DNAJC13: variants seen among roughly 807,000 people sequenced by gnomAD.
The protein encoded by DNAJC13 is DnaJ heat shock protein family (Hsp40) member C13, also known as dnaJ homolog subfamily C member 13.
DNAJC13 carries 75 observed loss-of-function variants against 290.5 expected under a neutral mutation model. The ratio of observed to expected loss-of-function variants is 0.26; its 90% CI spans 0.21 to 0.31. DNAJC13 has a LOEUF of 0.31. Among genes scored for constraint, DNAJC13 ranks in the 10% least tolerant of loss-of-function variants. The pLI, the probability that DNAJC13 is intolerant of heterozygous loss-of-function variation, is 1.00. For synonymous variants in DNAJC13, 862 were observed against 892.0 expected, an observed-to-expected ratio of 0.97 and a Z score of 0.60; for missense variants, 2,260 against 2,674.5, an observed-to-expected ratio of 0.85 and a Z score of 3.42.
At chr3:132,447,278 A>T (rs746608941) in intron 3 of DNAJC13, 43 bp from the exon 4 acceptor site, 2 of 1,382,788 alleles carry the variant, frequency 1.4e-6, no homozygotes, top group Admixed American at 2.9e-5. Flanking sequence ...ATTACATTTT[A>T]CTGTATTATA....
chr3:132,433,468 C>T (rs189952743), intron 1 of DNAJC13, among the ~76,000 whole-genome samples: 4 of 152,010 alleles, frequency 2.6e-5, no homozygotes, highest in East Asian at 1.9e-4. Context: ...TGAGAGAGAA[C>T]GTCTCACTAT....
chr3:132,461,805 C>T lies in DNAJC13; in HGVS notation c.1713+600C>T, dbSNP rs910049923. ...CTCCCAGGCTCAAGTAATCTTCCCA[C>T]CTCAGTTGCTGAGTAGCTGGGACCA... On this transcript the variant is annotated intron_variant, in intron 15 of 55. Transcript: ENST00000260818. Among the ~76,000 whole-genome samples the T allele has an allele frequency of 4.6e-5, 7 of 152,262 alleles. No homozygotes were observed. The East Asian group carries it at 1.2e-3, about 25-fold the overall frequency.
chr3:132,446,289 GT>G (rs1933241297), intron 2 of DNAJC13, among the ~76,000 whole-genome samples, 185 bp from the exon 3 acceptor site: 1 of 151,958 alleles, frequency 6.6e-6, no homozygotes, highest in South Asian at 2.1e-4. Flanking sequence ...GAGTGGGTGG[GT>G]TTTAATAAAA....
chr3:132,523,022 T>G (rs1452118536), intron 49 of DNAJC13, 25 bp downstream of exon 49: 58 of 1,604,474 alleles, frequency 3.6e-5, no homozygotes, highest in Middle Eastern at 1.7e-4. Flanking sequence ...AGGTAATAAT[T>G]TATAGCCTTT....
chr3:132,531,852 T>C (rs1346714725), intron 55 of DNAJC13, among the ~76,000 whole-genome samples: 1 of 152,170 alleles, frequency 6.6e-6, no homozygotes, highest in African/African-American at 2.4e-5. Context: ...ATGGTTTTGC[T>C]AAATATTTAG....
chr3:132,534,392 A>G (rs7651894), intron 55 of DNAJC13, among the ~76,000 whole-genome samples: 89,861 of 152,098 alleles, frequency 0.59, 28,857 homozygotes, highest in East Asian at 0.87. Flanking sequence ...GCAATGGCTC[A>G]TGTCTGTAAT....
chr3:132,462,350 T>C, intron 15 of DNAJC13, 117 bp from the exon 16 acceptor site: 1 of 902,856 alleles, frequency 1.1e-6, no homozygotes, highest in East Asian at 2.6e-5. Context: ...TATCCTTTAC[T>C]AATTTTGTGG....
In DNAJC13 at chr3:132,463,737, C is replaced by G; in HGVS notation, c.1812C>G (p.Ala604=). 1.2e-6 allele frequency: 2 copies of G among 1,612,962 alleles called. No homozygotes were observed. The highest frequency in any genetic ancestry group is 4.5e-5 in the East Asian group (2 of 44,838). ...TTGCTACAAAAATGCAGGAGCTTGCCCTAAGTGAAGGTGCCTTACCTCGAC... is the reference window on the plus strand; with the variant it reads ...TTGCTACAAAAATGCAGGAGCTTGCGCTAAGTGAAGGTGCCTTACCTCGAC... The part of the protein sequence containing the change: ...KEIATKMQEL[A]LSEGALPRHL... The change falls in exon 17 of 56, where the codon GCC becomes GCG. Residue 604 remains alanine, a synonymous_variant. Coordinates refer to ENST00000260818, the MANE Select transcript of DNAJC13 (RefSeq NM_015268.4).
chr3:132,449,324 T>A (rs928873368), intron 5 of DNAJC13, among the ~76,000 whole-genome samples: 5 of 152,144 alleles, frequency 3.3e-5, no homozygotes, highest in African/African-American at 1.2e-4. Flanking sequence ...CATCAGCACA[T>A]CTCATTAATG....
chr3:132,492,283 C>A, intron 32 of DNAJC13, 131 bp from the exon 33 acceptor site: 1 of 1,006,260 alleles, frequency 9.9e-7, no homozygotes, highest in Non-Finnish European at 1.5e-6. Context: ...TATTTAAAAG[C>A]TCTCATTTTA....
rs1419189486 is a variant in DNAJC13, at chr3:132,473,376, G to C, written c.2291+149G>C. ...CAGGAACTATAACTGTTAAGATTGG[G>C]GTGACTAGAGATGCTCCTAAAATTA... On this transcript the variant is annotated intron_variant, in intron 21 of 55. Transcript: ENST00000260818. 8 of 587,960 alleles carry C rather than the reference G, an allele frequency of 1.4e-5. No individual in the cohort carries two copies. The East Asian group carries it at 2.5e-4, about 18-fold the overall frequency. 36.4% of individuals were successfully genotyped at this position (587,960 alleles called of 1,614,324 possible).
intron 2 of DNAJC13, among the ~76,000 whole-genome samples, chr3:132,438,561 C>T (rs1291019426): frequency 6.6e-6 from 1 of 152,190 alleles, no homozygotes; most frequent in East Asian, 1.9e-4. Flanking sequence ...TGTTGCTAAC[C>T]TAGCCCCAGC....
chr3:132,532,912 A>AATTATTATT (rs78689169), intron 55 of DNAJC13, among the ~76,000 whole-genome samples: 16,305 of 141,670 alleles, frequency 0.12, 979 homozygotes, highest in Middle Eastern at 0.14. Context: ...TAATTTTTGT[A>AATTATTATT]ATTATTATTA....
intron 13 of DNAJC13, among the ~76,000 whole-genome samples, chr3:132,459,862 T>G (rs150540714): frequency 3.7e-4 from 56 of 152,340 alleles, no homozygotes; most frequent in Non-Finnish European, 7.2e-4. Flanking sequence ...CTGGAATGTT[T>G]TATACACTCA....
rs757965875 is a variant in DNAJC13 at position 132,477,840 on chromosome 3, A to G, written c.2497A>G (p.Arg833Gly). The change falls in exon 23 of 56, where the codon AGA becomes GGA. Residue 833 changes from arginine to glycine, a missense_variant. By Grantham distance (125) the Arg-to-Gly change is moderately radical. Around this residue, in one of 3 missense-constraint regions of DNAJC13, gnomAD observed 1,494 missense variants for 1,693.7 expected, o/e 0.88. Coordinates refer to ENST00000260818, the MANE Select transcript of DNAJC13 (RefSeq NM_015268.4). ...EEIKIGDYYL[R>G]LLLEEDENEE... is the part of the protein sequence containing the mutation. The stretch of plus-strand genomic sequence containing the variant: ...AATTAAAATAGGAGACTATTACCTG[A>G]GATTACTATTGGAGGAAGATGAGAA... 43 of 1,613,470 alleles carry G rather than the reference A, an allele frequency of 2.7e-5. No homozygotes were observed. The highest frequency in any genetic ancestry group is 3.6e-5 in the Non-Finnish European group (42 of 1,179,788).
chr3:132,466,371 A>G lies in DNAJC13; in HGVS notation c.2041A>G (p.Arg681Gly). 1 of 1,598,786 alleles carries G rather than the reference A, an allele frequency of 6.3e-7. No homozygotes were observed. Among genetic ancestry groups the G allele is most frequent in the South Asian group, 1.1e-5 (1 of 87,542 alleles). The part of the protein sequence containing the change: ...PEKDADRMHV[R>G]DNVKIAMDQY... The stretch of plus-strand genomic sequence containing the variant: ...GAAGGATGCTGATCGGATGCATGTT[A>G]GAGACAATGTGAAAATAGCAATGGT... Residue 681 changes from arginine (R) to glycine (G), a missense_variant, in exon 19 of 56, where the codon AGA (arginine) becomes GGA (glycine). Arg to Gly is a moderately radical substitution (Grantham distance 125). This residue lies in a region of DNAJC13 where 762 missense variants were observed against 964.1 expected (regional missense o/e 0.79). Coordinates refer to ENST00000260818, the MANE Select transcript of DNAJC13 (RefSeq NM_015268.4).
At chr3:132,491,739 A>G (rs1935063166) in intron 32 of DNAJC13, among the ~76,000 whole-genome samples, 1 of 152,058 alleles carries the variant, frequency 6.6e-6, no homozygotes, top group Admixed American at 6.6e-5. Context: ...ATAGCATTAG[A>G]TCTTCTATGT....
At chr3:132,445,195 A>G (rs1933203124) in intron 2 of DNAJC13, among the ~76,000 whole-genome samples, 1 of 152,116 alleles carries the variant, frequency 6.6e-6, no homozygotes, top group Admixed American at 6.5e-5. Flanking sequence ...GGAAGAAAAC[A>G]TGATTCTCTC....
At chr3:132,502,597 G>T in intron 40 of DNAJC13, 129 bp downstream of exon 40, 1 of 847,514 alleles carries the variant, frequency 1.2e-6, no homozygotes, top group Non-Finnish European at 1.7e-6. Flanking sequence ...TAGGTTTTTT[G>T]CTTTTTAAAC....
Sources: allele counts gnomAD v4.1 joint callset (sites outside exome capture counted in the v4.1 genomes callset), GRCh38; gene constraint gnomAD v4.1.1; regional missense constraint gnomAD v4.1.1; transcripts MANE v1.5; gene names NCBI Gene and HGNC (gene_info 2026-07-23, HGNC 2026-07-21).